Variants in NRG3 observed in about 807,000 individuals in gnomAD.
The protein encoded by NRG3 is neuregulin 3.
NRG3 carries 31 observed loss-of-function variants against 66.9 expected under a neutral mutation model. The observed-to-expected ratio is 0.46, with a 90% CI of 0.35 to 0.63. The LOEUF (loss-of-function observed/expected upper bound fraction) is 0.63. Among genes scored for constraint, NRG3 ranks in the 20% least tolerant of loss-of-function variants. The probability of loss-of-function intolerance (pLI) is 0.00; values close to 1 mark genes in which losing one functional copy is unlikely to be tolerated. For missense variants in NRG3, 910 were observed against 878.9 expected (o/e 1.04, Z -0.45); for synonymous variants, 393 against 359.4 (o/e 1.09, Z -1.06).
chr10:82,726,308 C>T (rs141013263), intron 2 of NRG3, among the ~76,000 whole-genome samples: 5 of 152,068 alleles, frequency 3.3e-5, no homozygotes, highest in Admixed American at 6.5e-5. Flanking sequence ...ATAGTCATTA[C>T]CTTAGATATG....
chr10:82,488,528 T>C (rs1842858587), intron 2 of NRG3, among the ~76,000 whole-genome samples: 1 of 152,376 alleles, frequency 6.6e-6, no homozygotes, highest in Middle Eastern at 3.4e-3. Context: ...TTGCAAAGTA[T>C]GCTAAGTACA....
chr10:82,044,860 T>C (rs2063203640), intron 1 of NRG3, among the ~76,000 whole-genome samples: 2 of 152,060 alleles, frequency 1.3e-5, no homozygotes, highest in Admixed American at 1.3e-4. Context: ...AATGATGATT[T>C]CCAATTTCAT....
At chr10:82,654,580 A>G (rs1233628344) in intron 2 of NRG3, among the ~76,000 whole-genome samples, 1 of 152,256 alleles carries the variant, frequency 6.6e-6, no homozygotes, top group African/African-American at 2.4e-5. Flanking sequence ...ATAATTAATA[A>G]GTGAATGAAC....
intron 1 of NRG3, among the ~76,000 whole-genome samples, chr10:82,050,952 TAGAGGG>T (rs2063563728): frequency 6.6e-6 from 1 of 152,044 alleles, no homozygotes; most frequent in Admixed American, 6.6e-5. Context: ...TCTTTAACTT[TAGAGGG>T]AATTTATATT....
chr10:82,938,716 T>C (rs1848310987), intron 4 of NRG3, among the ~76,000 whole-genome samples: 1 of 152,302 alleles, frequency 6.6e-6, no homozygotes, highest in East Asian at 1.9e-4. Flanking sequence ...TAAACGGTCT[T>C]TAGTGGGTTA....
At chr10:82,261,837 C>A (rs1215304039) in intron 1 of NRG3, among the ~76,000 whole-genome samples, 6 of 152,144 alleles carry the variant, frequency 3.9e-5, no homozygotes, top group African/African-American at 1.4e-4. Flanking sequence ...TGCCCTCATT[C>A]CAGTAAATCC....
intron 3 of NRG3, among the ~76,000 whole-genome samples, chr10:82,843,996 A>T (rs2063188044): frequency 6.6e-6 from 1 of 152,184 alleles, no homozygotes; most frequent in South Asian, 2.1e-4. Context: ...AACCTCCAAC[A>T]TATCATTTGT....
chr10:82,139,135 C>A (rs2069584803), intron 1 of NRG3, among the ~76,000 whole-genome samples: 1 of 152,080 alleles, frequency 6.6e-6, no homozygotes, highest in Admixed American at 6.6e-5. Flanking sequence ...ACTTTTCTGG[C>A]AAGTCTGGGT....
chr10:82,928,456 G>A (rs891719608), intron 4 of NRG3, among the ~76,000 whole-genome samples: 2 of 152,046 alleles, frequency 1.3e-5, no homozygotes, highest in South Asian at 2.1e-4. Flanking sequence ...TTCTTCTAGG[G>A]TTTTTATAGT....
chr10:82,916,065 T>C (rs1845801878), intron 4 of NRG3, among the ~76,000 whole-genome samples: 1 of 152,206 alleles, frequency 6.6e-6, no homozygotes, highest in Non-Finnish European at 1.5e-5. Context: ...TCTATTTGTA[T>C]AAGGCTTTAC....
At chr10:82,764,242 C>CCAGGCTG (rs2059429771) in intron 3 of NRG3, among the ~76,000 whole-genome samples, 1 of 151,902 alleles carries the variant, frequency 6.6e-6, no homozygotes, top group African/African-American at 2.4e-5. Context: ...GCCATGTTGA[C>CCAGGCTG]CAGGCTGGTC....
intron 2 of NRG3, among the ~76,000 whole-genome samples, chr10:82,616,639 CTTTG>C (rs1273012961): frequency 6.6e-6 from 1 of 152,140 alleles, no homozygotes; most frequent in East Asian, 1.9e-4. Context: ...ACAGTATGTT[CTTTG>C]TTTTTCTTAT....
At chr10:81,972,491 T>A (rs1438010661) in intron 1 of NRG3, among the ~76,000 whole-genome samples, 1 of 151,848 alleles carries the variant, frequency 6.6e-6, no homozygotes, top group African/African-American at 2.4e-5. Flanking sequence ...TGCCTAGAAA[T>A]GAAAAAATAC....
chr10:82,283,091 CTCGGTCTTA>C (rs1433917418), intron 1 of NRG3, among the ~76,000 whole-genome samples: 1 of 151,982 alleles, frequency 6.6e-6, no homozygotes, highest in Non-Finnish European at 1.5e-5. Flanking sequence ...CTCCTGTCTT[CTCGGTCTTA>C]ATCTAGTGCA....
chr10:82,166,926 G>T, intron 1 of NRG3: 2 of 490,258 alleles, frequency 4.1e-6, no homozygotes, highest in Non-Finnish European at 7.3e-6. Flanking sequence ...AGATGTGCTT[G>T]ACTGTCTTCT....
At chr10:82,629,838 A>G (rs1590939412) in intron 2 of NRG3, among the ~76,000 whole-genome samples, 1 of 152,206 alleles carries the variant, frequency 6.6e-6, no homozygotes, top group Non-Finnish European at 1.5e-5. Context: ...AGTCTTGACA[A>G]TAAGGACAGA....
intron 1 of NRG3, among the ~76,000 whole-genome samples, chr10:82,325,188 CT>C (rs895094430): frequency 5.6e-4 from 82 of 146,960 alleles, no homozygotes; most frequent in Admixed American, 4.1e-4. Flanking sequence ...TTCTTTCTTC[CT>C]TTTTTTTTTG....
intron 3 of NRG3, among the ~76,000 whole-genome samples, chr10:82,782,525 C>T (rs1243325644): frequency 6.6e-6 from 1 of 152,070 alleles, no homozygotes; most frequent in African/African-American, 2.4e-5. Context: ...CAAACTAAGA[C>T]CAACAACTGA....
At chr10:82,960,758 C>A (rs910709201) in intron 6 of NRG3, among the ~76,000 whole-genome samples, 5 of 152,110 alleles carry the variant, frequency 3.3e-5, no homozygotes, top group Non-Finnish European at 7.4e-5. Context: ...AATTCCTTCT[C>A]CTGGCTCATC....
Sources: gnomAD v4.1 joint callset for allele counts (sites outside exome capture counted in the v4.1 genomes callset) on GRCh38, gnomAD v4.1.1 for gene constraint, MANE v1.5 for transcripts, NCBI Gene and HGNC (gene_info 2026-07-23, HGNC 2026-07-21) for gene names.